RABGEF1: variants seen among roughly 807,000 people sequenced by gnomAD.
The protein encoded by RABGEF1 is rab5 GDP/GTP exchange factor.
A neutral mutation model predicts 57.3 loss-of-function variants in RABGEF1; 26 were observed. The observed-to-expected ratio is 0.45, with a 90% CI of 0.33 to 0.63. The LOEUF is 0.63. RABGEF1 is among the 20% of genes least tolerant of loss of function. The pLI is 0.02. For missense variants in RABGEF1, 464 were observed against 607.6 expected, an observed-to-expected ratio of 0.76 and a Z score of 2.48; for synonymous variants, 185 against 210.7, an observed-to-expected ratio of 0.88 and a Z score of 1.06.
chr7:66,740,943 T>A (rs1021230538), intron 1 of RABGEF1, among the ~76,000 whole-genome samples, 151 bp downstream of exon 1: 1 of 152,006 alleles, frequency 6.6e-6, no homozygotes, highest in African/African-American at 2.4e-5. Context: ...CCCGCTGTCC[T>A]TCGTCCCACA....
chr7:66,742,161 C>A (rs13308787), intron 1 of RABGEF1, among the ~76,000 whole-genome samples: 75,685 of 151,166 alleles, frequency 0.5, 19,814 homozygotes, highest in East Asian at 0.74. Flanking sequence ...AAAAAAAAAA[C>A]TAAGAGTCTG....
intron 1 of RABGEF1, among the ~76,000 whole-genome samples, chr7:66,749,420 C>T (rs1800920902): frequency 6.6e-6 from 1 of 152,158 alleles, no homozygotes; most frequent in South Asian, 2.1e-4. Context: ...ACATTGTTTT[C>T]TAAATGTGTT....
chr7:66,706,272 T>C (rs1048968943), intron 1 of RABGEF1, among the ~76,000 whole-genome samples: 1 of 152,158 alleles, frequency 6.6e-6, no homozygotes, highest in Non-Finnish European at 1.5e-5. Context: ...ATAAAACTGA[T>C]ATGAACATTT....
upstream of RABGEF1, among the ~76,000 whole-genome samples, chr7:66,739,226 AG>A (rs1798432154): frequency 6.6e-6 from 1 of 151,986 alleles, no homozygotes; most frequent in South Asian, 2.1e-4. Context: ...CTAGGATTAC[AG>A]GCGTGAGCCA....
At chr7:66,737,823 G>A (rs1186455221), upstream of RABGEF1, among the ~76,000 whole-genome samples, 1 of 152,110 alleles carries the variant, frequency 6.6e-6, no homozygotes, top group East Asian at 1.9e-4. Context: ...CTACCACCGT[G>A]CCCCAGCCTG....
chr7:66,681,923 C>A (rs1325831022), upstream of RABGEF1, among the ~76,000 whole-genome samples: 2 of 152,172 alleles, frequency 1.3e-5, no homozygotes, highest in African/African-American at 4.8e-5. Context: ...ACGTTGGTTT[C>A]TCCGGGGCTC....
At chr7:66,808,717 G>A (rs1399830635) in intron 8 of RABGEF1, among the ~76,000 whole-genome samples, 169 bp from the exon 9 acceptor site, 4 of 152,128 alleles carry the variant, frequency 2.6e-5, no homozygotes, top group African/African-American at 7.2e-5. Context: ...AAGCACGACC[G>A]GGGATAGGAG....
intron 4 of RABGEF1, 100 bp downstream of exon 4, chr7:66,783,941 T>C (rs910044691): frequency 8.5e-7 from 1 of 1,172,092 alleles, no homozygotes; most frequent in African/African-American, 1.6e-5. Context: ...CTGAGAAAAA[T>C]CCAGACCAAG....
intron 1 of RABGEF1, among the ~76,000 whole-genome samples, chr7:66,685,426 G>A (rs1389958143): frequency 6.6e-6 from 1 of 152,112 alleles, no homozygotes; most frequent in Non-Finnish European, 1.5e-5. Context: ...AGGCCAAGGT[G>A]GGAGAATCAC....
intron 8 of RABGEF1, among the ~76,000 whole-genome samples, 161 bp from the exon 9 acceptor site, chr7:66,808,725 G>A (rs985367896): frequency 2.0e-5 from 3 of 152,292 alleles, no homozygotes; most frequent in Admixed American, 1.3e-4. Flanking sequence ...CCGGGGATAG[G>A]AGTAGGTAAT....
chr7:66,657,720 C>T, the RABGEF1 span, among the ~76,000 whole-genome samples: 3 of 152,138 alleles, frequency 2.0e-5, no homozygotes, highest in East Asian at 5.8e-4. Flanking sequence ...ACTTGGGAGG[C>T]TGGGGCAGGA....
At chr7:66,672,555 T>C in the RABGEF1 span, among the ~76,000 whole-genome samples, 4 of 152,256 alleles carry the variant, frequency 2.6e-5, no homozygotes, top group Non-Finnish European at 5.9e-5. Context: ...GAAATAATTA[T>C]AGCTGCTGCA....
At chr7:66,761,488 G>A (rs561347278) in intron 1 of RABGEF1, among the ~76,000 whole-genome samples, 23 of 152,310 alleles carry the variant, frequency 1.5e-4, no homozygotes, top group African/African-American at 5.1e-4. Context: ...CGAGGAATGG[G>A]GGAAGGTGCA....
intron 1 of RABGEF1, among the ~76,000 whole-genome samples, chr7:66,759,334 G>A (rs1264327882): frequency 1.3e-5 from 2 of 152,174 alleles, no homozygotes; most frequent in African/African-American, 4.8e-5. Flanking sequence ...GCATTGTTAA[G>A]ATTCGAAGCG....
intron 1 of RABGEF1, among the ~76,000 whole-genome samples, chr7:66,771,627 T>G (rs1037098298): frequency 6.6e-6 from 1 of 152,052 alleles, no homozygotes; most frequent in African/African-American, 2.4e-5. Context: ...TGTGAGTCCT[T>G]TCTTAATTTT....
chr7:66,719,521 T>C (rs574846208), intron 2 of RABGEF1, among the ~76,000 whole-genome samples: 3 of 152,358 alleles, frequency 2.0e-5, no homozygotes, highest in Admixed American at 6.5e-5. Context: ...TGTAAATCTT[T>C]CTGATAAAAA....
Position 66,795,546 on chromosome 7 carries a change from G to T in RABGEF1, c.549G>T (p.Gln183His). ...TTGAAGAACAGTCAGAGTGTGCTCA[G>T]GATTTCTACCACAATGTGGCCGAAA... is the stretch of plus-strand genomic sequence containing the variant. ...LSIEEQSECA[Q>H]DFYHNVAERM... Residue 183 changes from glutamine to histidine, a missense_variant, in exon 5 of 9, where the codon CAG (glutamine) becomes CAT (histidine). Gln to His is a conservative substitution (Grantham distance 24). Coordinates refer to ENST00000284957, the MANE Select transcript of RABGEF1 (RefSeq NM_014504.3). 1 of 1,612,658 alleles carries T rather than the reference G, an allele frequency of 6.2e-7. No homozygotes were observed. Among genetic ancestry groups the T allele is most frequent in the Non-Finnish European group, 8.5e-7 (1 of 1,178,674 alleles).
At chr7:66,744,940 C>T (rs1427679472) in intron 1 of RABGEF1, among the ~76,000 whole-genome samples, 1 of 152,118 alleles carries the variant, frequency 6.6e-6, no homozygotes, top group Non-Finnish European at 1.5e-5. Flanking sequence ...CGCCTGTAAT[C>T]CCAGCACTTT....
chr7:66,654,732 T>C, the RABGEF1 span: 1 of 152,776 alleles, frequency 6.5e-6, no homozygotes, highest in Non-Finnish European at 1.5e-5. Context: ...GTCCGTGCCC[T>C]CCGCGCGGCT....
Sources: allele counts gnomAD v4.1 joint callset (sites outside exome capture counted in the v4.1 genomes callset), GRCh38; gene constraint gnomAD v4.1.1; transcripts MANE v1.5; gene names NCBI Gene and HGNC (gene_info 2026-07-23, HGNC 2026-07-21).